Variants in NTM observed in about 807,000 individuals in gnomAD.
The protein encoded by NTM is IgLON family member 2.
Under a neutral mutation model 42.1 loss-of-function variants are expected in NTM, and 13 were observed. That is an observed-to-expected ratio of 0.31 (90% CI 0.20 to 0.49). The LOEUF is 0.49. NTM is among the 20% of genes least tolerant of loss of function. The pLI is 0.99. For synonymous variants in NTM, 187 were observed against 179.2 expected (o/e 1.04, Z -0.35); for missense variants, 373 against 452.8 (o/e 0.82, Z 1.60).
At chr11:131,401,812 A>ATATATATATATATGTGTG (rs1945184472) in intron 1 of NTM, among the ~76,000 whole-genome samples, 1 of 21,630 alleles carries the variant, frequency 4.6e-5, no homozygotes, top group African/African-American at 2.8e-4. Context: ...ATATATATAT[A>ATATATATATATATGTGTG]TATATATATA....
At chr11:131,629,323 T>C (rs910994606) in intron 1 of NTM, among the ~76,000 whole-genome samples, 1 of 152,152 alleles carries the variant, frequency 6.6e-6, no homozygotes, top group African/African-American at 2.4e-5. Flanking sequence ...TATGTCCAGT[T>C]GTGATAGAAT....
At chr11:131,684,626 C>T (rs559543001) in intron 1 of NTM, among the ~76,000 whole-genome samples, 78 of 152,328 alleles carry the variant, frequency 5.1e-4, no homozygotes, top group African/African-American at 1.8e-3. Flanking sequence ...TGGCCCAGTC[C>T]CAGGCTGGAG....
chr11:131,906,273 C>T (rs1232202243), intron 1 of NTM, among the ~76,000 whole-genome samples: 1 of 152,130 alleles, frequency 6.6e-6, no homozygotes, highest in Non-Finnish European at 1.5e-5. Flanking sequence ...GATGCAGCAG[C>T]AGGAGTTACT....
chr11:132,051,232 C>T (rs569643738), intron 2 of NTM, among the ~76,000 whole-genome samples: 56 of 152,178 alleles, frequency 3.7e-4, no homozygotes, highest in African/African-American at 1.3e-3. Context: ...TGCCAGACAC[C>T]GTTCTGACTG....
intron 2 of NTM, among the ~76,000 whole-genome samples, chr11:131,928,314 A>G (rs1565756128): frequency 6.6e-6 from 1 of 152,230 alleles, no homozygotes; most frequent in Non-Finnish European, 1.5e-5. Flanking sequence ...ATTCTTAAGG[A>G]TTGTACCTGG....
intron 4 of NTM, among the ~76,000 whole-genome samples, chr11:132,254,819 T>C (rs1361524829): frequency 6.6e-6 from 1 of 152,094 alleles, no homozygotes; most frequent in East Asian, 1.9e-4. Flanking sequence ...CAGCCTGGGG[T>C]TCTCATTCTT....
chr11:132,037,740 C>T (rs1364731279), intron 2 of NTM, among the ~76,000 whole-genome samples: 6 of 152,166 alleles, frequency 3.9e-5, no homozygotes, highest in Non-Finnish European at 7.3e-5. Flanking sequence ...ATGAAAACAC[C>T]TTGCTGATTT....
At position 131,789,492 on chromosome 11, in the gene NTM, GGA is replaced by G. The variant is rs1225740330; in HGVS notation, c.83-122071_83-122070del. 7.3e-3 allele frequency among the ~76,000 whole-genome samples: 23 copies of G among 3,162 alleles called. 9 individuals are homozygous for G. Among genetic ancestry groups the G allele is most frequent in the East Asian group, 0.018 (1 of 56 alleles). 2.1% of individuals were successfully genotyped at this position (3,162 alleles called of 152,430 possible). A position where few individuals can be genotyped will look rare whatever the true frequency, so the allele number is the denominator to read the frequency against. The stretch of plus-strand genomic sequence containing the variant: ...AAGAAGAAGAAGAAGAAGAAGAAGA[GGA>G]AAGAAGAAGAAGAAGAAGAAGAAGA... On this transcript the variant is annotated intron_variant, in intron 1 of 8. Transcript: ENST00000683400.
intron 2 of NTM, among the ~76,000 whole-genome samples, chr11:132,056,116 T>C (rs952797496): frequency 6.6e-6 from 1 of 152,224 alleles, no homozygotes; most frequent in Non-Finnish European, 1.5e-5. Flanking sequence ...GGCAGATTAA[T>C]TGGAAATGAT....
intron 2 of NTM, among the ~76,000 whole-genome samples, chr11:131,975,020 G>C (rs2064103434): frequency 6.6e-6 from 1 of 152,194 alleles, no homozygotes; most frequent in Non-Finnish European, 1.5e-5. Flanking sequence ...GCATTGACAA[G>C]TGAGTTTTCT....
At chr11:131,623,644 T>C (rs919499439) in intron 1 of NTM, among the ~76,000 whole-genome samples, 4 of 152,232 alleles carry the variant, frequency 2.6e-5, no homozygotes, top group Admixed American at 2.6e-4. Flanking sequence ...GGGACGCGGA[T>C]GGAGGACACT....
At chr11:131,999,914 T>A (rs937865346) in intron 2 of NTM, among the ~76,000 whole-genome samples, 7 of 152,226 alleles carry the variant, frequency 4.6e-5, no homozygotes, top group African/African-American at 1.4e-4. Flanking sequence ...TTTTCACGGT[T>A]GATTTCGCTC....
intron 2 of NTM, among the ~76,000 whole-genome samples, chr11:132,143,069 A>G (rs1416590151): frequency 6.6e-6 from 1 of 152,168 alleles, no homozygotes; most frequent in African/African-American, 2.4e-5. Flanking sequence ...GGGGAAGAAA[A>G]TAAAGGACTC....
intron 2 of NTM, among the ~76,000 whole-genome samples, chr11:132,079,621 T>A (rs1019729213): frequency 6.6e-6 from 1 of 152,218 alleles, no homozygotes; most frequent in African/African-American, 2.4e-5. Flanking sequence ...GCCCATTTTT[T>A]CTAAAATAGA....
chr11:131,997,601 C>A (rs1386362572), intron 2 of NTM, among the ~76,000 whole-genome samples: 1 of 152,156 alleles, frequency 6.6e-6, no homozygotes, highest in African/African-American at 2.4e-5. Flanking sequence ...TTTTCTGAAC[C>A]ATGTGGAACA....
chr11:131,961,776 G>A (rs2062207608), intron 2 of NTM, among the ~76,000 whole-genome samples: 2 of 152,142 alleles, frequency 1.3e-5, no homozygotes, highest in Admixed American at 1.3e-4. Flanking sequence ...ACTGGGCAGG[G>A]GTAATTCCCC....
chr11:131,515,899 A>C (rs996648153), intron 1 of NTM, among the ~76,000 whole-genome samples: 1 of 152,210 alleles, frequency 6.6e-6, no homozygotes, highest in Non-Finnish European at 1.5e-5. Context: ...AAACGAGTCC[A>C]TTCTCTGCTT....
chr11:131,780,841 C>T (rs2087955728), intron 1 of NTM, among the ~76,000 whole-genome samples: 1 of 152,112 alleles, frequency 6.6e-6, no homozygotes, highest in African/African-American at 2.4e-5. Flanking sequence ...TCCACCCACC[C>T]ATTAAATTTC....
chr11:132,013,523 G>C (rs888708899), intron 2 of NTM, among the ~76,000 whole-genome samples: 5 of 152,070 alleles, frequency 3.3e-5, no homozygotes, highest in Admixed American at 6.6e-5. Flanking sequence ...AGATTTGGGA[G>C]TAAACAGAAT....
Sources: allele counts gnomAD v4.1 joint callset (sites outside exome capture counted in the v4.1 genomes callset), GRCh38; gene constraint gnomAD v4.1.1; transcripts MANE v1.5; gene names NCBI Gene and HGNC (gene_info 2026-07-23, HGNC 2026-07-21).